UST: variants seen among roughly 807,000 people sequenced by gnomAD.
UST encodes the protein uronyl 2-sulfotransferase.
Under a neutral mutation model 45.6 loss-of-function variants are expected in UST, and 21 were observed. That is an observed-to-expected ratio of 0.46 (90% CI 0.33 to 0.66). The LOEUF is 0.66. Among genes scored for constraint, UST ranks in the 30% least tolerant of loss-of-function variants. The probability of loss-of-function intolerance (pLI) is 0.02; values close to 1 mark genes in which losing one functional copy is unlikely to be tolerated. For synonymous variants in UST, 215 were observed against 200.6 expected, an observed-to-expected ratio of 1.07 and a Z score of -0.61; for missense variants, 463 against 512.4, an observed-to-expected ratio of 0.90 and a Z score of 0.93.
intron 2 of UST, among the ~76,000 whole-genome samples, chr6:148,906,664 C>T (rs1421613818): frequency 7.0e-6 from 1 of 143,104 alleles, no homozygotes; most frequent in East Asian, 2.0e-4. Context: ...AGTGAACCTA[C>T]ATTCACTTGA....
Position 149,045,905 on chromosome 6 carries a change from A to C in UST, c.937+24424A>C, listed in dbSNP as rs117642746. 8.9e-4 allele frequency among the ~76,000 whole-genome samples: 135 copies of C among 152,326 alleles called. 2 individuals are homozygous for C. In the East Asian group the frequency reaches 0.022, roughly 25 times the overall value. On this transcript the variant is annotated intron_variant, in intron 7 of 7. Transcript: ENST00000367463. Reference sequence around the variant, plus strand: ...AGTCCTTTCAATTATACCTTAAAAAAAGCCATCTCCCAGAATATCTGCTTA... The same window carrying C: ...AGTCCTTTCAATTATACCTTAAAAACAGCCATCTCCCAGAATATCTGCTTA...
intron 1 of UST, among the ~76,000 whole-genome samples, chr6:148,843,060 T>C (rs1424271960): frequency 6.6e-6 from 1 of 152,260 alleles, no homozygotes; most frequent in African/African-American, 2.4e-5. Context: ...ATTTCCCAGA[T>C]TAAAATTTCA....
chr6:148,921,762 A>T (rs1779711911), intron 2 of UST, among the ~76,000 whole-genome samples: 1 of 152,124 alleles, frequency 6.6e-6, no homozygotes, highest in African/African-American at 2.4e-5. Flanking sequence ...GCCCTTCAGC[A>T]TCCAGTCGCA....
intron 4 of UST, among the ~76,000 whole-genome samples, chr6:148,962,886 T>C (rs188406380): frequency 7.3e-4 from 111 of 152,362 alleles, no homozygotes; most frequent in African/African-American, 2.5e-3. Flanking sequence ...GGATGGGGGC[T>C]TGTTATTACT....
intron 1 of UST, 57 bp downstream of exon 1, chr6:148,747,734 G>T: frequency 6.7e-7 from 1 of 1,494,798 alleles, no homozygotes. Context: ...TGTGCGGCGG[G>T]GAGAGGGTCG....
At chr6:149,035,402 T>A (rs1251096565) in intron 7 of UST, among the ~76,000 whole-genome samples, 1 of 152,188 alleles carries the variant, frequency 6.6e-6, no homozygotes. Context: ...TCTTTTTCAG[T>A]CTGAAGGCTT....
At chr6:148,806,372 T>C (rs59143893) in intron 1 of UST, among the ~76,000 whole-genome samples, 3,204 of 152,306 alleles carry the variant, frequency 0.021, 116 homozygotes, top group African/African-American at 0.072. Flanking sequence ...AGAGTCTTGC[T>C]CTGTCACCCA....
chr6:148,842,881 C>T (rs1049072002), intron 1 of UST, among the ~76,000 whole-genome samples: 3 of 151,968 alleles, frequency 2.0e-5, no homozygotes, highest in East Asian at 1.9e-4. Flanking sequence ...CACTCTGTCG[C>T]GGTGATGACA....
At chr6:149,029,431 A>ATTATG (rs1776102840) in intron 7 of UST, among the ~76,000 whole-genome samples, 1 of 63,592 alleles carries the variant, frequency 1.6e-5, no homozygotes, top group Non-Finnish European at 3.1e-5. Flanking sequence ...TATTGTATAC[A>ATTATG]TTATATTATA....
intron 5 of UST, among the ~76,000 whole-genome samples, chr6:149,011,834 C>A (rs369768651): frequency 6.7e-6 from 1 of 149,006 alleles, no homozygotes; most frequent in African/African-American, 2.5e-5. Flanking sequence ...AACAAAAAGG[C>A]ATTTCCACTT....
chr6:148,833,242 C>G (rs1277856691), intron 1 of UST, among the ~76,000 whole-genome samples: 1 of 152,208 alleles, frequency 6.6e-6, no homozygotes, highest in Non-Finnish European at 1.5e-5. Context: ...AATCTCAGCA[C>G]TTTGTGAGGC....
intron 7 of UST, among the ~76,000 whole-genome samples, chr6:149,032,145 G>A (rs918135486): frequency 2.0e-5 from 3 of 152,122 alleles, no homozygotes; most frequent in African/African-American, 7.2e-5. Flanking sequence ...GCGCAACCTG[G>A]CACTGAGTCA....
At chr6:148,830,387 G>A (rs928458591) in intron 1 of UST, among the ~76,000 whole-genome samples, 3 of 152,174 alleles carry the variant, frequency 2.0e-5, no homozygotes, top group African/African-American at 4.8e-5. Flanking sequence ...GGAAGTGATA[G>A]ACCCAACACA....
At chr6:148,773,759 A>C (rs1776477493) in intron 1 of UST, among the ~76,000 whole-genome samples, 1 of 152,194 alleles carries the variant, frequency 6.6e-6, no homozygotes, top group African/African-American at 2.4e-5. Flanking sequence ...ATTTGCACCA[A>C]ATGCCAGGTT....
At chr6:148,989,907 C>T (rs141491401) in intron 5 of UST, among the ~76,000 whole-genome samples, 1 of 152,172 alleles carries the variant, frequency 6.6e-6, no homozygotes, top group Non-Finnish European at 1.5e-5. Flanking sequence ...TTCCATCCCT[C>T]CCCATTTGGA....
intron 5 of UST, among the ~76,000 whole-genome samples, chr6:148,978,907 G>A (rs1194834192): frequency 1.3e-5 from 2 of 152,028 alleles, no homozygotes; most frequent in African/African-American, 4.8e-5. Context: ...ATTGCTAATT[G>A]CCAAATTTCG....
chr6:148,981,492 C>T lies in UST; in HGVS notation c.681+16929C>T, dbSNP rs1781132934. ...GCTCCTGAAGGGCAGGTGCCATCTT[C>T]ACTGCTTTATTTACATCCCATTGCC... On this transcript the variant is annotated intron_variant, in intron 5 of 7. Transcript: ENST00000367463. Among the ~76,000 whole-genome samples, 4 of 152,198 alleles carry T rather than the reference C, an allele frequency of 2.6e-5. No homozygotes were observed. The South Asian group carries it at 8.3e-4, about 32-fold the overall frequency.
At chr6:148,779,097 T>C (rs1776588713) in intron 1 of UST, among the ~76,000 whole-genome samples, 1 of 150,316 alleles carries the variant, frequency 6.7e-6, no homozygotes, top group Non-Finnish European at 1.5e-5. Flanking sequence ...AACCAAAGAA[T>C]GTTCTTTGTG....
intron 5 of UST, among the ~76,000 whole-genome samples, chr6:148,978,346 A>C (rs1781063296): frequency 6.6e-6 from 1 of 152,234 alleles, no homozygotes; most frequent in African/African-American, 2.4e-5. Flanking sequence ...TATAGTCTTT[A>C]CATAGGCTGT....
Sources: gnomAD v4.1 joint callset for allele counts (sites outside exome capture counted in the v4.1 genomes callset) on GRCh38, gnomAD v4.1.1 for gene constraint, MANE v1.5 for transcripts, NCBI Gene and HGNC (gene_info 2026-07-23, HGNC 2026-07-21) for gene names.